The following CCNB3 variants were observed in gnomAD, a reference collection of about 807,000 sequenced individuals.
The protein encoded by CCNB3 is cyclin B3.
Under a neutral mutation model 68.0 loss-of-function variants are expected in CCNB3, and 12 were observed. That is an observed-to-expected ratio of 0.18 (90% CI 0.11 to 0.29). CCNB3 has a LOEUF of 0.29. Among genes scored for constraint, CCNB3 ranks in the 10% least tolerant of loss-of-function variants. CCNB3 has a pLI of 1.00. For missense variants in CCNB3, 904 were observed against 993.1 expected, an observed-to-expected ratio of 0.91 and a Z score of 1.21; for synonymous variants, 354 against 388.9, an observed-to-expected ratio of 0.91 and a Z score of 1.06.
At chrX:50,283,363 T>C (rs1401887770) in intron 1 of CCNB3, among the ~76,000 whole-genome samples, 1 of 111,604 alleles carries the variant, frequency 9.0e-6, no homozygotes, top group Non-Finnish European at 1.9e-5. Flanking sequence ...CTTAATAGTT[T>C]GTCCTGGGTA....
At chrX:50,337,565 A>T (rs1206488358) in intron 8 of CCNB3, among the ~76,000 whole-genome samples, 1 of 111,096 alleles carries the variant, frequency 9.0e-6, no homozygotes, top group Non-Finnish European at 1.9e-5. Flanking sequence ...TCTGATGGCC[A>T]ACCCACCTCT....
intron 1 of CCNB3, among the ~76,000 whole-genome samples, chrX:50,228,211 A>G (rs889303019): frequency 2.9e-3 from 267 of 90,554 alleles, no homozygotes; most frequent in African/African-American, 0.01. Context: ...AAATACTTAT[A>G]CATAGAATAC....
intron 3 of CCNB3, among the ~76,000 whole-genome samples, chrX:50,288,186 C>T (rs1457295143): frequency 9.2e-6 from 1 of 108,972 alleles, no homozygotes; most frequent in African/African-American, 3.4e-5. Context: ...GTGCTTGAAT[C>T]ATCCCAAAAC....
intron 1 of CCNB3, among the ~76,000 whole-genome samples, chrX:50,279,544 T>G (rs1257021778): frequency 1.2e-5 from 1 of 84,999 alleles, no homozygotes; most frequent in East Asian, 3.4e-4. Flanking sequence ...TATATATTCA[T>G]ATATATAAAT....
chrX:50,308,517 A>G lies in CCNB3; in HGVS notation c.348A>G (p.Glu116=). ...NKRNLKWHKL[E]VTPVVASTTV... Reference sequence around the variant, plus strand: ...GTTTCCTTCACAGGCATAAGCTGGAAGTCACACCAGTAGTAGCCTCTACTA... The same window carrying G: ...GTTTCCTTCACAGGCATAAGCTGGAGGTCACACCAGTAGTAGCCTCTACTA... Residue 116 remains glutamate, a synonymous_variant, in exon 6 of 13, where the codon GAA becomes GAG. Transcript: ENST00000376042. 1 of 1,192,200 alleles carries G rather than the reference A, an allele frequency of 8.4e-7. No individual in the cohort carries two copies. The highest frequency in any genetic ancestry group is 1.1e-6 in the Non-Finnish European group (1 of 881,571).
intron 8 of CCNB3, among the ~76,000 whole-genome samples, chrX:50,337,308 T>C (rs781896549): frequency 3.6e-5 from 4 of 110,982 alleles, no homozygotes; most frequent in African/African-American, 9.8e-5. Context: ...ATTCCTGCCA[T>C]GATTCTTCCG....
chrX:50,321,234 A>G (rs933944748), intron 8 of CCNB3, among the ~76,000 whole-genome samples: 16 of 111,660 alleles, frequency 1.4e-4, no homozygotes, highest in African/African-American at 5.2e-4. Context: ...TTATCAACAA[A>G]AGAAGTTATA....
At chrX:50,228,788 T>G (rs1479361712) in intron 1 of CCNB3, among the ~76,000 whole-genome samples, 13 of 75,504 alleles carry the variant, frequency 1.7e-4, no homozygotes, top group African/African-American at 3.2e-4. Flanking sequence ...ATATAGAATA[T>G]ATATATAGAA....
chrX:50,332,377 T>C (rs782504735), intron 8 of CCNB3, among the ~76,000 whole-genome samples: 3 of 111,763 alleles, frequency 2.7e-5, no homozygotes, highest in African/African-American at 6.5e-5. Flanking sequence ...TCATAGTAAC[T>C]ATAGAACAGA....
At chrX:50,206,106 G>A (rs1303667719) in intron 1 of CCNB3, among the ~76,000 whole-genome samples, 1 of 109,854 alleles carries the variant, frequency 9.1e-6, no homozygotes, top group Non-Finnish European at 1.9e-5. Context: ...AAAACTAGCG[G>A]GACATGGTGG....
At chrX:50,295,617 A>G (rs1215192267) in intron 5 of CCNB3, among the ~76,000 whole-genome samples, 6 of 111,725 alleles carry the variant, frequency 5.4e-5, no homozygotes, top group Non-Finnish European at 1.1e-4. Flanking sequence ...GCTGGCTATT[A>G]CAGGGCTAAA....
chrX:50,209,351 T>C (rs1935440133), intron 1 of CCNB3, among the ~76,000 whole-genome samples: 1 of 110,106 alleles, frequency 9.1e-6, no homozygotes, highest in African/African-American at 3.3e-5. Context: ...TGGATTGTTT[T>C]TTGTTTGTTT....
At chrX:50,331,292 C>T (rs782431239) in intron 8 of CCNB3, among the ~76,000 whole-genome samples, 4 of 110,918 alleles carry the variant, frequency 3.6e-5, no homozygotes, top group South Asian at 7.9e-4. Flanking sequence ...ATCCAGTGGG[C>T]GCCGTCCAGT....
In CCNB3 at chrX:50,311,354, C is replaced by T. The variant is rs143545102; in HGVS notation, c.3185C>T (p.Thr1062Ile). The T allele has an allele frequency of 9.1e-6, 11 of 1,208,823 alleles. No individual in the cohort carries two copies. The South Asian group carries it at 1.1e-4, about 12-fold the overall frequency. The change falls in exon 6 of 13, where the codon ACC (threonine) becomes ATC (isoleucine). Residue 1062 changes from threonine to isoleucine, a missense_variant. Transcript: ENST00000376042. The part of the protein sequence containing the change: ...QIGTSPYVFS[T>I]TPESITEKSS... ...GGAACCAGCCCATATGTGTTTAGCACCACCCCTGAATCCATAACAGAGAAG... is the reference window on the plus strand; with the variant it reads ...GGAACCAGCCCATATGTGTTTAGCATCACCCCTGAATCCATAACAGAGAAG...
At chrX:50,316,707 G>A (rs1322253532) in intron 8 of CCNB3, among the ~76,000 whole-genome samples, 2 of 112,116 alleles carry the variant, frequency 1.8e-5, no homozygotes, top group African/African-American at 6.5e-5. Context: ...TGTGTTATAT[G>A]TAACCTTATG....
In CCNB3 at chrX:50,309,667, A is replaced by G; in HGVS notation, c.1498A>G (p.Thr500Ala). 2 of 1,210,725 alleles carry G rather than the reference A, an allele frequency of 1.7e-6. No homozygotes were observed. The highest frequency in any genetic ancestry group is 3.5e-5 in the African/African-American group (2 of 57,610). Residue 500 changes from threonine (T) to alanine (A), a missense_variant, in exon 6 of 13, where the codon ACA becomes GCA. This residue lies in a region of CCNB3 where 619 missense variants were observed against 609.8 expected (regional missense o/e 1.02). Transcript: ENST00000376042. ...ILKRKHATQG[T>A]MSHLKKPLIL... Reference sequence around the variant, plus strand: ...AAAGAGGAAGCATGCCACTCAGGGGACAATGTCCCACTTGAAGAAACCACT... The same window carrying G: ...AAAGAGGAAGCATGCCACTCAGGGGGCAATGTCCCACTTGAAGAAACCACT...
intron 8 of CCNB3, among the ~76,000 whole-genome samples, chrX:50,329,419 A>G (rs1006746343): frequency 2.7e-5 from 3 of 112,673 alleles, no homozygotes; most frequent in Non-Finnish European, 5.6e-5. Context: ...CTGTGTGCCT[A>G]CAGACTTAAC....
intron 5 of CCNB3, among the ~76,000 whole-genome samples, chrX:50,301,630 G>A (rs1445033739): frequency 3.6e-5 from 4 of 112,165 alleles, no homozygotes; most frequent in African/African-American, 6.5e-5. Flanking sequence ...CTCAAGCTGC[G>A]TGCTGGGAGA....
rs1557221103 is a variant in CCNB3 at position 50,351,238 on chromosome X, C to A, written c.3961-3C>A. 2.5e-6 allele frequency: 3 copies of A among 1,211,123 alleles called. No homozygotes were observed. The highest frequency in any genetic ancestry group is 4.3e-5 in the Admixed American group (2 of 46,004). The stretch of plus-strand genomic sequence containing the variant: ...AAATCACTATTCATGCTGCTTCTTC[C>A]AGGTTCCCTTCCTGGAGCATTACAG... On this transcript the variant is annotated splice_polypyrimidine_tract_variant and splice_region_variant and intron_variant, in intron 11 of 12. Transcript: ENST00000376042.
Sources: gnomAD v4.1 joint callset for allele counts (sites outside exome capture counted in the v4.1 genomes callset) on GRCh38, gnomAD v4.1.1 for gene constraint, gnomAD v4.1.1 regional missense constraint, MANE v1.5 for transcripts, NCBI Gene and HGNC (gene_info 2026-07-23, HGNC 2026-07-21) for gene names.